TRIM38: variants seen among roughly 807,000 people sequenced by gnomAD.
TRIM38 encodes the protein E3 ubiquitin-protein ligase TRIM38.
Under a neutral mutation model 35.8 loss-of-function variants are expected in TRIM38, and 35 were observed. The observed-to-expected ratio is 0.98, with a 90% CI of 0.75 to 1.30. TRIM38 has a LOEUF of 1.30. TRIM38 is among the 50% of genes most tolerant of loss of function. The pLI is 0.00. For missense variants in TRIM38, 545 were observed against 556.9 expected (o/e 0.98, Z 0.21); for synonymous variants, 198 against 204.7 (o/e 0.97, Z 0.28).
At chr6:25,979,639 AC>A (rs200105425) in intron 7 of TRIM38, among the ~76,000 whole-genome samples, 25 of 148,106 alleles carry the variant, frequency 1.7e-4, no homozygotes, top group East Asian at 8.0e-4. Flanking sequence ...AAAAGAAGCT[AC>A]CTTTTTTTTT....
At chr6:25,973,670 T>C (rs1760307575) in intron 7 of TRIM38, 14 of 985,268 alleles carry the variant, frequency 1.4e-5, no homozygotes, top group Non-Finnish European at 1.7e-5. Flanking sequence ...CACATCATGG[T>C]ATTAGATCTG....
At chr6:25,971,095 G>A (rs1208803049) in intron 4 of TRIM38, among the ~76,000 whole-genome samples, 1 of 152,144 alleles carries the variant, frequency 6.6e-6, no homozygotes, top group Non-Finnish European at 1.5e-5. Context: ...TTCATTATAA[G>A]CTTTTACTTC....
In TRIM38 at chr6:25,971,960, G is replaced by C; in HGVS notation, c.599G>C (p.Arg200Thr). ...LHEEEKSYLW[R>T]LEKEEQQTLS... ...GAGGAAGAGAAGTCTTATCTCTGGA[G>C]GCTGGAGAAAGAAGAACAACAGACT... The change falls in exon 5 of 8, where the codon AGG becomes ACG. Residue 200 changes from arginine to threonine, a missense_variant. Transcript: ENST00000357085. The C allele has an allele frequency of 1.9e-6, 3 of 1,614,156 alleles. No individual in the cohort carries two copies. The highest frequency in any genetic ancestry group is 2.5e-6 in the Non-Finnish European group (3 of 1,180,006).
At chr6:25,978,668 T>G (rs944120546) in intron 7 of TRIM38, among the ~76,000 whole-genome samples, 10 of 151,898 alleles carry the variant, frequency 6.6e-5, no homozygotes, top group Non-Finnish European at 1.3e-4. Context: ...ACCTGGCTAA[T>G]TTTTTAATTT....
Position 25,989,551 on chromosome 6 carries a change from G to A in TRIM38, c.*5864G>A, listed in dbSNP as rs1368965336. 2.6e-5 allele frequency: 3 copies of A among 115,010 alleles called. No individual in the cohort carries two copies. The highest frequency in any genetic ancestry group is 1.0e-4 in the African/African-American group (3 of 29,544). The allele number at this position is 115,010 out of a possible 1,614,324, so 7.1% of individuals were successfully genotyped here. A position where few individuals can be genotyped will look rare whatever the true frequency, so the allele number is the denominator to read the frequency against. ...TTTTTTTTTAATAGAGACGGGTCTTGCTACAGTGCCCAGGCTGGTCTCGAA... is the reference window on the plus strand; with the variant it reads ...TTTTTTTTTAATAGAGACGGGTCTTACTACAGTGCCCAGGCTGGTCTCGAA... On this transcript the variant is annotated 3_prime_UTR_variant, in exon 8 of 8. Transcript: ENST00000357085.
intron 5 of TRIM38, among the ~76,000 whole-genome samples, chr6:25,972,374 C>T (rs1237440827): frequency 6.6e-6 from 1 of 152,136 alleles, no homozygotes; most frequent in Non-Finnish European, 1.5e-5. Flanking sequence ...TGACTCTCTC[C>T]TGAAATACTC....
chr6:25,988,151 C>T lies in TRIM38; in HGVS notation c.*4464C>T, dbSNP rs147940720. The T allele has an allele frequency of 1.3e-5, 2 of 152,200 alleles. No homozygotes were observed. Among genetic ancestry groups the T allele is most frequent in the Admixed American group, 6.5e-5 (1 of 15,276 alleles). The allele number at this position is 152,200 out of a possible 1,614,324, so 9.4% of individuals were successfully genotyped here. ...TTTCTAGAAATTTCTGCATAATCCC[C>T]CTTAACATGCACTTAACTAAAAGCA... is the stretch of plus-strand genomic sequence containing the variant. On this transcript the variant is annotated 3_prime_UTR_variant, in exon 8 of 8. Coordinates refer to ENST00000357085, the MANE Select transcript of TRIM38 (RefSeq NM_006355.5).
At chr6:25,972,676 A>T (rs940105198) in intron 5 of TRIM38, among the ~76,000 whole-genome samples, 57 of 152,184 alleles carry the variant, frequency 3.7e-4, no homozygotes, top group African/African-American at 1.4e-3. Context: ...ACCACTAAGG[A>T]CCTTTATGAT....
chr6:25,983,529 A>T lies in TRIM38; in HGVS notation c.1240A>T (p.Ile414Phe). ...GCATGAGCAGCCCCTGCTTGTGGGA[A>T]TTTTTCTGGACTATGAGGCCGGAGT... The part of the protein sequence containing the change: ...HLHEQPLLVG[I>F]FLDYEAGVVS... The change falls in exon 8 of 8, where the codon ATT becomes TTT. Residue 414 changes from isoleucine (I) to phenylalanine (F), a missense_variant. Ile to Phe is a conservative substitution (Grantham distance 21, BLOSUM62 0). Coordinates refer to ENST00000357085, the MANE Select transcript of TRIM38 (RefSeq NM_006355.5). 6.2e-7 allele frequency: 1 copy of T among 1,613,770 alleles called. No individual in the cohort carries two copies. The highest frequency in any genetic ancestry group is 1.1e-5 in the South Asian group (1 of 91,072).
chr6:25,963,938 C>CA lies in TRIM38; in HGVS notation c.-189+662dup, dbSNP rs1759934797. Among the ~76,000 whole-genome samples, 3 of 152,046 alleles carry CA rather than the reference C, an allele frequency of 2.0e-5. No homozygotes were observed. In the South Asian group the frequency reaches 6.2e-4, roughly 31 times the overall value. On this transcript the variant is annotated intron_variant, in intron 2 of 7. Coordinates refer to ENST00000357085, the MANE Select transcript of TRIM38 (RefSeq NM_006355.5). ...AAAACAACAACAACAAAAACACAAA[C>CA]AAAAAACAACCGACCTTATTAACCA...
intron 7 of TRIM38, chr6:25,975,457 C>A: frequency 3.0e-6 from 1 of 334,244 alleles, no homozygotes; most frequent in Non-Finnish European, 4.3e-6. Context: ...CTGTCTCTGC[C>A]TCCCAAAGTG....
intron 2 of TRIM38, among the ~76,000 whole-genome samples, chr6:25,963,584 C>T (rs1759920130): frequency 6.6e-6 from 1 of 152,152 alleles, no homozygotes; most frequent in Non-Finnish European, 1.5e-5. Flanking sequence ...TAGGTCCTGT[C>T]CTGGAGAAGA....
Position 25,973,057 on chromosome 6 carries a change from G to A in TRIM38, c.742G>A (p.Val248Met). 3 of 1,614,154 alleles carry A rather than the reference G, an allele frequency of 1.9e-6. No individual in the cohort carries two copies. Among genetic ancestry groups the A allele is most frequent in the Non-Finnish European group, 1.7e-6 (2 of 1,180,024 alleles). ...QGSAQKLLQN[V>M]NDTLSRSWAV... The stretch of plus-strand genomic sequence containing the variant: ...TTTTCTTTTTGTTTCTTTATAGAAT[G>A]TGAATGACACTTTGAGCAGGTAAGT... Residue 248 changes from valine (V) to methionine (M), a missense_variant, in exon 6 of 8, where the codon GTG becomes ATG. Physicochemically the swap from Val to Met is conservative, Grantham distance 21 (BLOSUM62 1). Transcript: ENST00000357085.
chr6:25,974,897 A>C (rs1335377094), intron 7 of TRIM38: 1 of 985,300 alleles, frequency 1.0e-6, no homozygotes, highest in Non-Finnish European at 1.2e-6. Flanking sequence ...ATTTCATCCT[A>C]TACAGATGAC....
chr6:25,977,091 T>C (rs913496789), intron 7 of TRIM38, among the ~76,000 whole-genome samples: 7 of 152,252 alleles, frequency 4.6e-5, no homozygotes, highest in African/African-American at 1.7e-4. Context: ...GGCATGTGGA[T>C]GGCATTTTGC....
rs1048388 is a variant in TRIM38, at chr6:25,983,615, C to T, written c.1326C>T (p.Phe442=). 9.9e-6 allele frequency: 16 copies of T among 1,613,796 alleles called. No individual in the cohort carries two copies. The highest frequency in any genetic ancestry group is 5.0e-5 in the Admixed American group (3 of 59,992). Residue 442 remains phenylalanine (F), a synonymous_variant, in exon 8 of 8, where the codon TTC becomes TTT. Transcript: ENST00000357085. ...TCTTTACTTTCCCGAAGGCTTCCTT[C>T]TCTGATACTCTCCGGCCCTATTTCC... ...CHIFTFPKAS[F]SDTLRPYFQV...
Position 25,983,740 on chromosome 6 carries a change from T to A in TRIM38, c.*53T>A. The A allele has an allele frequency of 6.8e-7, 1 of 1,473,358 alleles. No individual in the cohort carries two copies. Among genetic ancestry groups the A allele is most frequent in the Non-Finnish European group, 9.1e-7 (1 of 1,104,070 alleles). The allele number at this position is 1,473,358 out of a possible 1,614,324, so 91.3% of individuals were successfully genotyped here. On this transcript the variant is annotated 3_prime_UTR_variant, in exon 8 of 8. Coordinates refer to ENST00000357085, the MANE Select transcript of TRIM38 (RefSeq NM_006355.5). ...ACCAGCACAGAGAAAATAATATAAATCCCATAAGGGCAGACGTTTGGTCTG... is the reference window on the plus strand; with the variant it reads ...ACCAGCACAGAGAAAATAATATAAAACCCATAAGGGCAGACGTTTGGTCTG...
chr6:25,969,778 T>C (rs1760171786), intron 4 of TRIM38, among the ~76,000 whole-genome samples: 2 of 152,156 alleles, frequency 1.3e-5, no homozygotes, highest in Admixed American at 1.3e-4. Context: ...CCTGGCACTT[T>C]TACCACAGTG....
At chr6:25,970,212 G>A (rs779260358) in intron 4 of TRIM38, among the ~76,000 whole-genome samples, 4 of 152,026 alleles carry the variant, frequency 2.6e-5, no homozygotes, top group Admixed American at 6.6e-5. Flanking sequence ...CACTGCACCC[G>A]GCCTATACTT....
Sources: gnomAD v4.1 joint callset for allele counts (sites outside exome capture counted in the v4.1 genomes callset) on GRCh38, gnomAD v4.1.1 for gene constraint, MANE v1.5 for transcripts, NCBI Gene and HGNC (gene_info 2026-07-23, HGNC 2026-07-21) for gene names.